Variants in RORA observed in about 807,000 individuals in gnomAD.
RORA encodes the protein RAR related orphan receptor A, also known as nuclear receptor ROR-alpha.
Under a neutral mutation model 69.5 loss-of-function variants are expected in RORA, and 7 were observed. The ratio of observed to expected loss-of-function variants is 0.10; its 90% CI spans 0.06 to 0.19. The LOEUF is 0.19. RORA is among the 10% of genes least tolerant of loss of function. The probability of loss-of-function intolerance (pLI) is 1.00; values close to 1 mark genes in which losing one functional copy is unlikely to be tolerated. For synonymous variants in RORA, 261 were observed against 240.8 expected (o/e 1.08, Z -0.78); for missense variants, 457 against 663.0 (o/e 0.69, Z 3.41).
chr15:60,719,107 T>TTCC (rs2071260765), intron 1 of RORA, among the ~76,000 whole-genome samples: 2 of 152,200 alleles, frequency 1.3e-5, no homozygotes, highest in Non-Finnish European at 2.9e-5. Context: ...TGTTTGGGTC[T>TTCC]TTACTTGATC....
At chr15:60,636,960 A>C (rs909098125) in intron 2 of RORA, among the ~76,000 whole-genome samples, 4 of 152,116 alleles carry the variant, frequency 2.6e-5, no homozygotes, top group Non-Finnish European at 4.4e-5. Flanking sequence ...CTATATTATA[A>C]TTTATTAATA....
At chr15:60,946,105 A>C (rs1203017263) in intron 1 of RORA, among the ~76,000 whole-genome samples, 4 of 152,090 alleles carry the variant, frequency 2.6e-5, no homozygotes, top group Admixed American at 6.5e-5. Flanking sequence ...TTCTGAATCA[A>C]AGATAATGAG....
At chr15:60,671,086 ATATATATATATC>A (rs2070459333) in intron 2 of RORA, among the ~76,000 whole-genome samples, 1 of 144,630 alleles carries the variant, frequency 6.9e-6, no homozygotes. Flanking sequence ...ATATATATAT[ATATATATATATC>A]TGTTTCCTGA....
rs144025212 is a variant in RORA, at chr15:61,069,644, C to G, written c.166+159409G>C. On this transcript the variant is annotated intron_variant, in intron 1 of 10. Coordinates refer to ENST00000335670, the MANE Select transcript of RORA (RefSeq NM_134261.3). ...CCAGTTCATAACATTGATTAATCCA[C>G]ATTGTGAAAAAGTCCCCAAGCAAAA... 2.5e-3 allele frequency among the ~76,000 whole-genome samples: 384 copies of G among 151,446 alleles called. 2 individuals are homozygous for G. The highest frequency in any genetic ancestry group is 8.9e-3 in the African/African-American group (367 of 41,240).
chr15:60,747,214 C>T (rs2140856293), intron 1 of RORA, among the ~76,000 whole-genome samples: 1 of 152,266 alleles, frequency 6.6e-6, no homozygotes, highest in East Asian at 1.9e-4. Context: ...ATGTTTTAAT[C>T]CTTAAGGGAG....
intron 1 of RORA, among the ~76,000 whole-genome samples, chr15:60,862,763 G>A (rs1225758116): frequency 6.6e-6 from 1 of 152,206 alleles, no homozygotes; most frequent in African/African-American, 2.4e-5. Flanking sequence ...AACTGTACAA[G>A]CTTTGACTAG....
At chr15:61,146,599 C>T (rs1040967068) in intron 1 of RORA, among the ~76,000 whole-genome samples, 3 of 152,158 alleles carry the variant, frequency 2.0e-5, no homozygotes, top group Non-Finnish European at 4.4e-5. Flanking sequence ...AGATAATGCA[C>T]TCTGCTTCCT....
At chr15:60,924,991 A>G (rs943487580) in intron 1 of RORA, among the ~76,000 whole-genome samples, 2 of 152,058 alleles carry the variant, frequency 1.3e-5, no homozygotes, top group East Asian at 3.9e-4. Context: ...AAGCAAGAGA[A>G]TCCCTTGAAC....
At chr15:61,110,939 G>A (rs780584672) in intron 1 of RORA, among the ~76,000 whole-genome samples, 10 of 152,206 alleles carry the variant, frequency 6.6e-5, no homozygotes, top group Non-Finnish European at 1.2e-4. Flanking sequence ...CATGTGTGGA[G>A]TTGTTTGTTT....
At position 61,226,130 on chromosome 15, in the gene RORA, T is replaced by C. The variant is rs1158691442; in HGVS notation, c.166+2923A>G. On this transcript the variant is annotated intron_variant, in intron 1 of 10. Coordinates refer to ENST00000335670, the MANE Select transcript of RORA (RefSeq NM_134261.3). The surrounding 1 kb of genome is among the most constrained non-coding windows in gnomAD (Gnocchi z 4.2). ...ATTCAACAGTAGCCTCAAGTCTACC[T>C]AGGTAATGTCTCATGAGGTCACTGC... 6.6e-6 allele frequency among the ~76,000 whole-genome samples: 1 copy of C among 152,224 alleles called. No homozygotes were observed. Among genetic ancestry groups the C allele is most frequent in the East Asian group, 1.9e-4 (1 of 5,188 alleles).
Position 61,229,157 on chromosome 15 carries a change from T to C in RORA, c.62A>G (p.Asp21Gly), listed in dbSNP as rs761768757. Reference protein sequence around the residue: ...AASEPGSSGADAAAGSRETPL... With the variant: ...AASEPGSSGAGAAAGSRETPL... ...GGTCTCCCTGGAGCCGGCGGCCGCG[T>C]CCGCGCCGCTGCTGCCTGGCTCGCT... Residue 21 changes from aspartate to glycine, a missense_variant, in exon 1 of 11, where the codon GAC (aspartate) becomes GGC (glycine). By Grantham distance (94) the Asp-to-Gly change is moderately conservative. Around this residue, in one of 3 missense-constraint regions of RORA, gnomAD observed 119 missense variants for 92.4 expected, o/e 1.29. Transcript: ENST00000335670. 88 of 1,546,372 alleles carry C rather than the reference T, an allele frequency of 5.7e-5. No homozygotes were observed. The highest frequency in any genetic ancestry group is 2.3e-4 in the Middle Eastern group (1 of 4,376).
At chr15:60,644,946 A>G (rs557284664) in intron 2 of RORA, among the ~76,000 whole-genome samples, 1 of 152,310 alleles carries the variant, frequency 6.6e-6, no homozygotes, top group South Asian at 2.1e-4. Flanking sequence ...TAGTAAAACA[A>G]TAGGAAAAGG....
chr15:60,735,107 G>C (rs866088649), intron 1 of RORA, among the ~76,000 whole-genome samples: 2 of 152,202 alleles, frequency 1.3e-5, no homozygotes, highest in African/African-American at 4.8e-5. Flanking sequence ...CTTCAGAGGA[G>C]AGAAAGAAGC....
chr15:61,137,057 AAGAAAGAAAGAAAG>A (rs1280809575), intron 1 of RORA, among the ~76,000 whole-genome samples: 2 of 148,852 alleles, frequency 1.3e-5, no homozygotes, highest in Non-Finnish European at 3.0e-5. Context: ...GAAAGAAAGA[AAGAAAGAAAGAAAG>A]AAAGAAAGAA....
At chr15:61,189,856 CAAAAAAAAAAAAA>C (rs71125907) in intron 1 of RORA, among the ~76,000 whole-genome samples, 2 of 42,890 alleles carry the variant, frequency 4.7e-5, no homozygotes, top group Non-Finnish European at 7.3e-5. Flanking sequence ...GACTCTGTCT[CAAAAAAAAAAAAA>C]AAAAAAAAAA....
chr15:61,040,842 T>A (rs1896729590), intron 1 of RORA, among the ~76,000 whole-genome samples: 1 of 152,240 alleles, frequency 6.6e-6, no homozygotes, highest in Non-Finnish European at 1.5e-5. Flanking sequence ...TCACTCATTT[T>A]TTCAAAGGTT....
intron 1 of RORA, among the ~76,000 whole-genome samples, chr15:61,157,847 C>A (rs1299614132): frequency 6.6e-6 from 1 of 152,074 alleles, no homozygotes; most frequent in Non-Finnish European, 1.5e-5. Flanking sequence ...GAAAACAAAC[C>A]CAGCATTGGG....
At chr15:60,677,295 A>G (rs1361448312) in intron 2 of RORA, 6 of 429,986 alleles carry the variant, frequency 1.4e-5, no homozygotes, top group Non-Finnish European at 2.4e-5. Context: ...CATGAGCTCA[A>G]TTATGCACCG....
chr15:60,620,616 G>A (rs144672275), intron 2 of RORA, among the ~76,000 whole-genome samples: 1 of 152,350 alleles, frequency 6.6e-6, no homozygotes, highest in African/African-American at 2.4e-5. Flanking sequence ...GGAGGGAGCA[G>A]CAGCTGGGAC....
Sources: gnomAD v4.1 joint callset for allele counts (sites outside exome capture counted in the v4.1 genomes callset) on GRCh38, gnomAD v4.1.1 for gene constraint, gnomAD v4.1.1 regional missense constraint, Gnocchi (gnomAD v3.1) non-coding constraint, MANE v1.5 for transcripts, NCBI Gene and HGNC (gene_info 2026-07-23, HGNC 2026-07-21) for gene names.